Variants in CCSER1 observed in about 807,000 individuals in gnomAD.
CCSER1 encodes the protein coiled-coil serine rich protein 1, also known as serine-rich coiled-coil domain-containing protein 1.
Under a neutral mutation model 82.0 loss-of-function variants are expected in CCSER1, and 41 were observed. The observed-to-expected ratio is 0.50, with a 90% CI of 0.39 to 0.65. The LOEUF is 0.65. Among genes scored for constraint, CCSER1 ranks in the 30% least tolerant of loss-of-function variants. CCSER1 has a pLI of 0.00. For synonymous variants in CCSER1, 414 were observed against 383.9 expected, an observed-to-expected ratio of 1.08 and a Z score of -0.92; for missense variants, 1,119 against 1,064.2, an observed-to-expected ratio of 1.05 and a Z score of -0.72.
rs553356992 is a variant in CCSER1 at position 90,128,818 on chromosome 4, CT to C, written c.-42+988del. 3.5e-3 allele frequency among the ~76,000 whole-genome samples: 531 copies of C among 152,032 alleles called. 3 individuals are homozygous for C. Among genetic ancestry groups the C allele is most frequent in the Non-Finnish European group, 5.5e-3 (372 of 67,958 alleles). On this transcript the variant is annotated intron_variant, in intron 1 of 10. Coordinates refer to ENST00000509176, the MANE Select transcript of CCSER1 (RefSeq NM_001145065.2). ...GGGTTTCCTTTTAGTGTATCCTGAA[CT>C]GCTCTCTTTCTCTCTCTCTCTCTCT... is the stretch of plus-strand genomic sequence containing the variant.
At chr4:90,663,434 A>G (rs1412465827) in intron 6 of CCSER1, among the ~76,000 whole-genome samples, 1 of 152,192 alleles carries the variant, frequency 6.6e-6, no homozygotes, top group Non-Finnish European at 1.5e-5. Context: ...ACAAATGGGA[A>G]CCTTAAAAAT....
intron 10 of CCSER1, among the ~76,000 whole-genome samples, chr4:91,587,188 C>T (rs1764041841): frequency 6.6e-6 from 1 of 151,620 alleles, no homozygotes; most frequent in South Asian, 2.1e-4. Flanking sequence ...TTAGTATCTG[C>T]CAATTTGTCT....
chr4:91,408,472 T>C (rs1463261657), intron 10 of CCSER1, among the ~76,000 whole-genome samples: 2 of 152,218 alleles, frequency 1.3e-5, no homozygotes, highest in African/African-American at 4.8e-5. Flanking sequence ...AGCAAATATA[T>C]TACATCCAAC....
chr4:90,941,282 A>C (rs778454395), intron 9 of CCSER1, among the ~76,000 whole-genome samples: 2 of 152,128 alleles, frequency 1.3e-5, no homozygotes, highest in Non-Finnish European at 2.9e-5. Context: ...ACCAAGTTTT[A>C]GAATGTAGGC....
chr4:90,755,096 C>G (rs1385320971), intron 7 of CCSER1, among the ~76,000 whole-genome samples: 2 of 152,168 alleles, frequency 1.3e-5, no homozygotes, highest in Non-Finnish European at 2.9e-5. Flanking sequence ...AGGAGCTACT[C>G]TGGAAACCCC....
At chr4:91,393,661 G>A (rs1197674282) in intron 10 of CCSER1, among the ~76,000 whole-genome samples, 2 of 151,910 alleles carry the variant, frequency 1.3e-5, no homozygotes, top group African/African-American at 2.4e-5. Context: ...CAGCTTAATT[G>A]GGTTATAGCT....
chr4:91,287,674 C>A (rs1218609020), intron 10 of CCSER1, among the ~76,000 whole-genome samples: 2 of 151,884 alleles, frequency 1.3e-5, no homozygotes, highest in Non-Finnish European at 2.9e-5. Flanking sequence ...TGTAAGTGCA[C>A]ATATGTATTT....
intron 3 of CCSER1, among the ~76,000 whole-genome samples, chr4:90,358,306 CT>C (rs1273976233): frequency 6.6e-6 from 1 of 152,068 alleles, no homozygotes; most frequent in Non-Finnish European, 1.5e-5. Context: ...AGTCAAAGTG[CT>C]TCTGTCTCTA....
chr4:90,689,754 G>T (rs890051570), intron 6 of CCSER1, among the ~76,000 whole-genome samples: 1 of 152,120 alleles, frequency 6.6e-6, no homozygotes, highest in Non-Finnish European at 1.5e-5. Context: ...CCAATGGAGA[G>T]AATTCAGTGG....
chr4:91,071,687 G>A (rs775538885), intron 9 of CCSER1, among the ~76,000 whole-genome samples: 2 of 151,780 alleles, frequency 1.3e-5, no homozygotes, highest in Admixed American at 6.6e-5. Flanking sequence ...AATATGAAAC[G>A]TAGCTTACTA....
At chr4:91,473,756 A>G (rs1037344049) in intron 10 of CCSER1, among the ~76,000 whole-genome samples, 5 of 152,090 alleles carry the variant, frequency 3.3e-5, no homozygotes, top group African/African-American at 7.2e-5. Context: ...TACTATTAGC[A>G]TGAGACTCAG....
At chr4:90,353,548 G>C (rs1743879604) in intron 3 of CCSER1, among the ~76,000 whole-genome samples, 1 of 152,100 alleles carries the variant, frequency 6.6e-6, no homozygotes, top group Non-Finnish European at 1.5e-5. Context: ...ATGAAAATTG[G>C]TTTGAGATCA....
chr4:90,511,292 C>A (rs1329298963), intron 5 of CCSER1, among the ~76,000 whole-genome samples: 8 of 152,082 alleles, frequency 5.3e-5, no homozygotes, highest in Non-Finnish European at 7.4e-5. Context: ...GTGGCACACA[C>A]CTGTAGTCCC....
intron 10 of CCSER1, among the ~76,000 whole-genome samples, chr4:91,564,822 T>C (rs1021445841): frequency 5.3e-5 from 8 of 152,020 alleles, no homozygotes; most frequent in African/African-American, 1.7e-4. Flanking sequence ...TTTCTCCCAT[T>C]CTGTTGTCTG....
intron 10 of CCSER1, among the ~76,000 whole-genome samples, chr4:91,178,367 G>C (rs1255120198): frequency 6.6e-6 from 1 of 150,424 alleles, no homozygotes; most frequent in Admixed American, 6.7e-5. Context: ...GGATATCCTT[G>C]TTAACATTCT....
chr4:91,222,484 T>C (rs1431024049), intron 10 of CCSER1, among the ~76,000 whole-genome samples: 1 of 152,214 alleles, frequency 6.6e-6, no homozygotes, highest in Non-Finnish European at 1.5e-5. Context: ...TTCCTCATAC[T>C]ATACCTTTTG....
intron 7 of CCSER1, among the ~76,000 whole-genome samples, chr4:90,749,782 T>A (rs1295094774): frequency 1.3e-5 from 2 of 151,940 alleles, no homozygotes; most frequent in Non-Finnish European, 2.9e-5. Context: ...AGCAGCATGA[T>A]TTACAGTCCT....
intron 10 of CCSER1, among the ~76,000 whole-genome samples, chr4:91,522,477 T>C (rs2110144724): frequency 6.6e-6 from 1 of 152,350 alleles, no homozygotes; most frequent in East Asian, 1.9e-4. Context: ...ATGGCCATTT[T>C]CACGATATTG....
chr4:91,521,407 A>G (rs1440256218), intron 10 of CCSER1, among the ~76,000 whole-genome samples: 1 of 152,138 alleles, frequency 6.6e-6, no homozygotes, highest in Non-Finnish European at 1.5e-5. Flanking sequence ...TAATGGGATC[A>G]CTGGGTCAAA....
Sources: gnomAD v4.1 joint callset for allele counts (sites outside exome capture counted in the v4.1 genomes callset) on GRCh38, gnomAD v4.1.1 for gene constraint, MANE v1.5 for transcripts, NCBI Gene and HGNC (gene_info 2026-07-23, HGNC 2026-07-21) for gene names.